Variants in TMEM132E observed in about 807,000 individuals in gnomAD.
TMEM132E encodes the protein transmembrane protein 132E.
Under a neutral mutation model 78.5 loss-of-function variants are expected in TMEM132E, and 49 were observed. The observed-to-expected ratio is 0.62, with a 90% CI of 0.50 to 0.79. TMEM132E has a LOEUF of 0.79. Ranked by LOEUF, TMEM132E falls within the 30% of genes least tolerant of loss-of-function variation. The pLI is 0.00. For synonymous variants in TMEM132E, 715 were observed against 670.6 expected (o/e 1.07, Z -1.02); for missense variants, 1,403 against 1,470.9 (o/e 0.95, Z 0.75).
In TMEM132E at chr17:34,632,694, C is replaced by T. The variant is rs746599135; in HGVS notation, c.1483-10C>T. ...GGGAAGATGTGCCAACTGTTCCTCC[C>T]TTCCCCCAGGTATCCAGCAGCTGTG... On this transcript the variant is annotated splice_polypyrimidine_tract_variant and intron_variant, in intron 5 of 8. Transcript: ENST00000631683. 1.9e-6 allele frequency: 3 copies of T among 1,614,120 alleles called. No homozygotes were observed. Among genetic ancestry groups the T allele is most frequent in the South Asian group, 2.2e-5 (2 of 91,062 alleles).
chr17:34,584,134 C>A lies in TMEM132E; in HGVS notation c.67+2991C>A, dbSNP rs569087387. Among the ~76,000 whole-genome samples, 12 of 152,370 alleles carry A rather than the reference C, an allele frequency of 7.9e-5. No homozygotes were observed. In the South Asian group the frequency reaches 1.4e-3, roughly 18 times the overall value. On this transcript the variant is annotated intron_variant, in intron 1 of 8. Coordinates refer to ENST00000631683, the MANE Select transcript of TMEM132E (RefSeq NM_001304438.2). ...CAGCCTCTAGGATCAAGGGCACACT[C>A]ATTGCCCTGGCATCCAAAGCCATTT... is the stretch of plus-strand genomic sequence containing the variant.
chr17:34,635,686 T>A, intron 7 of TMEM132E: 1 of 274,336 alleles, frequency 3.6e-6, no homozygotes, highest in Non-Finnish European at 6.8e-6. Context: ...TTGTCGCCAC[T>A]CCCTTTTGTC....
At chr17:34,591,130 G>A (rs542107215) in intron 1 of TMEM132E, among the ~76,000 whole-genome samples, 14 of 152,240 alleles carry the variant, frequency 9.2e-5, no homozygotes, top group African/African-American at 2.2e-4. Flanking sequence ...GGCTCAGTAC[G>A]TGGAAGTGTC....
chr17:34,600,836 T>A (rs1197000011), intron 1 of TMEM132E, among the ~76,000 whole-genome samples: 1 of 152,086 alleles, frequency 6.6e-6, no homozygotes, highest in Non-Finnish European at 1.5e-5. Context: ...AGGAAAGTGA[T>A]GGATGCACCT....
Position 34,637,324 on chromosome 17 carries a change from G to C in TMEM132E, c.2317G>C (p.Val773Leu). Reference protein sequence around the residue: ...VTQDRAFPLVVAEAEGSGELL... With the variant: ...VTQDRAFPLVLAEAEGSGELL... ...CCAGGACCGGGCCTTCCCTCTGGTA[G>C]TGGCTGAGGCCGAGGGGTCAGGGGA... The change falls in exon 9 of 9, where the codon GTG becomes CTG. Residue 773 changes from valine to leucine, a missense_variant. By Grantham distance (32) the Val-to-Leu change is conservative. Around this residue, in one of 3 missense-constraint regions of TMEM132E, gnomAD observed 888 missense variants for 952.8 expected, o/e 0.93. Transcript: ENST00000631683. 14 of 1,614,106 alleles carry C rather than the reference G, an allele frequency of 8.7e-6. No homozygotes were observed. The highest frequency in any genetic ancestry group is 1.1e-5 in the Non-Finnish European group (13 of 1,180,052).
rs746652371 is a variant in TMEM132E, at chr17:34,637,266, G to A, written c.2259G>A (p.Val753=). 13 of 1,614,104 alleles carry A rather than the reference G, an allele frequency of 8.1e-6. No individual in the cohort carries two copies. The highest frequency in any genetic ancestry group is 1.1e-5 in the Non-Finnish European group (13 of 1,180,048). ...GCCCACGAGACTATGGACTGCTAGT[G>A]AGCAGCCTGGATGAGCATGTGGCCA... ...LYSPRDYGLL[V]SSLDEHVATV... is the part of the protein sequence containing the mutation. Residue 753 remains valine, a synonymous_variant, in exon 9 of 9, where the codon GTG becomes GTA. Transcript: ENST00000631683.
At position 34,580,027 on chromosome 17, in the gene TMEM132E, T is replaced by G. The variant is rs1229060393; in HGVS notation, c.-1050T>G. 1 of 152,288 alleles carries G rather than the reference T, an allele frequency of 6.6e-6. No homozygotes were observed. The highest frequency in any genetic ancestry group is 1.5e-5 in the Non-Finnish European group (1 of 68,126). 9.4% of individuals were successfully genotyped at this position (152,288 alleles called of 1,614,324 possible). ...CAGAAAAGTTCAAGGTTTGTGCAGG[T>G]TCCCCCAGGGAAGGCGAGGAGCGAG... On this transcript the variant is annotated 5_prime_UTR_variant, in exon 1 of 9. Transcript: ENST00000631683.
chr17:34,624,595 T>C (rs1007229811), intron 1 of TMEM132E, among the ~76,000 whole-genome samples: 4 of 152,084 alleles, frequency 2.6e-5, no homozygotes, highest in African/African-American at 9.7e-5. Context: ...ATGCAGAGGG[T>C]GCAGCATGAA....
At chr17:34,591,206 C>T (rs1206263567) in intron 1 of TMEM132E, among the ~76,000 whole-genome samples, 3 of 152,154 alleles carry the variant, frequency 2.0e-5, no homozygotes, top group Admixed American at 6.5e-5. Flanking sequence ...ACAGCCAGTT[C>T]TGACCCCTTG....
intron 1 of TMEM132E, among the ~76,000 whole-genome samples, chr17:34,619,134 T>C (rs1906873629): frequency 6.6e-6 from 1 of 152,236 alleles, no homozygotes; most frequent in Non-Finnish European, 1.5e-5. Context: ...ATGGACCACA[T>C]AGCACCTGGG....
At chr17:34,629,504 G>C (rs112305795) in intron 4 of TMEM132E, among the ~76,000 whole-genome samples, 98 of 152,306 alleles carry the variant, frequency 6.4e-4, no homozygotes, top group African/African-American at 2.3e-3. Flanking sequence ...GAGGTCACCT[G>C]GGAGGGAGCC....
chr17:34,590,124 G>A (rs1381565632), intron 1 of TMEM132E, among the ~76,000 whole-genome samples: 1 of 152,090 alleles, frequency 6.6e-6, no homozygotes, highest in Non-Finnish European at 1.5e-5. Context: ...TGGGAAGTTC[G>A]CCCCCACCTC....
intron 1 of TMEM132E, among the ~76,000 whole-genome samples, chr17:34,613,140 G>A (rs1407990411): frequency 6.9e-6 from 1 of 144,220 alleles, no homozygotes; most frequent in Non-Finnish European, 1.5e-5. Flanking sequence ...GCAGGCCTAT[G>A]GTGGCACTCA....
In TMEM132E at chr17:34,582,273, C is replaced by T. The variant is rs931522378; in HGVS notation, c.67+1130C>T. ...CATTGGTGGAGCGCCCTCGGTGTGC[C>T]GGGCTCAGCTCTTGCCCAGATCTGC... On this transcript the variant is annotated intron_variant, in intron 1 of 8. Transcript: ENST00000631683. 3.3e-5 allele frequency among the ~76,000 whole-genome samples: 5 copies of T among 152,032 alleles called. No homozygotes were observed. In the East Asian group the frequency reaches 5.8e-4, roughly 18 times the overall value.
Position 34,637,205 on chromosome 17 carries a change from A to G in TMEM132E, c.2198A>G (p.Tyr733Cys), listed in dbSNP as rs766279007. The stretch of plus-strand genomic sequence containing the variant: ...GCCCTACTGAGCCTCTGGCTCTCCT[A>G]CAGTGATGGCACCACAGCCCCACTC... ...QEALLSLWLS[Y>C]SDGTTAPLSL... Residue 733 changes from tyrosine (Y) to cysteine (C), a missense_variant, in exon 9 of 9, where the codon TAC becomes TGC. Tyr to Cys is a radical substitution (Grantham distance 194, BLOSUM62 -2). Transcript: ENST00000631683. 14 of 1,609,862 alleles carry G rather than the reference A, an allele frequency of 8.7e-6. No homozygotes were observed. The highest frequency in any genetic ancestry group is 1.2e-5 in the Non-Finnish European group (14 of 1,176,866).
intron 7 of TMEM132E, 107 bp downstream of exon 7, chr17:34,635,194 C>G: frequency 8.0e-7 from 1 of 1,254,660 alleles, no homozygotes; most frequent in South Asian, 1.6e-5. Flanking sequence ...CCAGAACACT[C>G]TTCCCTGCCT....
chr17:34,631,427 A>C (rs1184808540), intron 5 of TMEM132E, among the ~76,000 whole-genome samples: 1 of 152,186 alleles, frequency 6.6e-6, no homozygotes, highest in Non-Finnish European at 1.5e-5. Flanking sequence ...TCTGCCACCC[A>C]GACTCCCCCA....
At chr17:34,599,999 T>G (rs951579174) in intron 1 of TMEM132E, among the ~76,000 whole-genome samples, 2 of 152,186 alleles carry the variant, frequency 1.3e-5, no homozygotes, top group African/African-American at 4.8e-5. Context: ...TTGGAGGCCC[T>G]GGGGCCAGAG....
intron 1 of TMEM132E, among the ~76,000 whole-genome samples, chr17:34,623,151 G>C (rs1247855231): frequency 3.3e-5 from 5 of 152,166 alleles, no homozygotes; most frequent in African/African-American, 9.7e-5. Context: ...GGTTTTGCCA[G>C]ACCAGGTCCT....
Sources: gnomAD v4.1 joint callset for allele counts (sites outside exome capture counted in the v4.1 genomes callset) on GRCh38, gnomAD v4.1.1 for gene constraint, gnomAD v4.1.1 regional missense constraint, MANE v1.5 for transcripts, NCBI Gene and HGNC (gene_info 2026-07-23, HGNC 2026-07-21) for gene names.